Variants in UGT2B28 observed in about 807,000 individuals in gnomAD.
UGT2B28 encodes the protein UDP-glucuronosyltransferase 2B28.
In UGT2B28, 45 loss-of-function variants were observed where a neutral mutation model predicts 43.6. The ratio of observed to expected loss-of-function variants is 1.03; its 90% CI spans 0.81 to 1.32. The LOEUF is 1.32. UGT2B28 is among the 40% of genes most tolerant of loss of function. The pLI is 0.00. For synonymous variants in UGT2B28, 204 were observed against 208.1 expected, an observed-to-expected ratio of 0.98 and a Z score of 0.17; for missense variants, 649 against 625.5, an observed-to-expected ratio of 1.04 and a Z score of -0.40.
chr4:69,286,750 A>C lies in UGT2B28; in HGVS notation c.871-2A>C. 6.4e-7 allele frequency: 1 copy of C among 1,551,638 alleles called. No homozygotes were observed. Among genetic ancestry groups the C allele is most frequent in the South Asian group, 1.2e-5 (1 of 83,484 alleles). ...TTGTGATTAAACAATTTTTTTTCACAGGAAATGGAGGAATTTGTACAGAGC... is the reference window on the plus strand; with the variant it reads ...TTGTGATTAAACAATTTTTTTTCACCGGAAATGGAGGAATTTGTACAGAGC... On this transcript the variant is annotated splice_acceptor_variant, in intron 2 of 5. Coordinates refer to ENST00000335568, the MANE Select transcript of UGT2B28 (RefSeq NM_053039.2). LOFTEE classifies it high-confidence loss of function.
chr4:69,290,870 G>C, intron 5 of UGT2B28, 59 bp downstream of exon 5: 1 of 1,487,874 alleles, frequency 6.7e-7, no homozygotes, highest in Non-Finnish European at 9.0e-7. Flanking sequence ...CTTTTCAATA[G>C]TGAGCATGAG....
chr4:69,281,448 A>C (rs1285612076), intron 1 of UGT2B28, among the ~76,000 whole-genome samples: 1 of 140,788 alleles, frequency 7.1e-6, no homozygotes, highest in Non-Finnish European at 1.5e-5. Flanking sequence ...CCAGGAAATC[A>C]TAAACCTATA....
intron 5 of UGT2B28, among the ~76,000 whole-genome samples, chr4:69,292,315 A>G (rs1374265230): frequency 2.1e-5 from 3 of 140,318 alleles, no homozygotes; most frequent in East Asian, 2.0e-4. Context: ...ACTACTCTCA[A>G]TAAAGTTTTT....
chr4:69,283,957 AACAATACAAAT>A, intron 2 of UGT2B28, among the ~76,000 whole-genome samples: 1 of 141,164 alleles, frequency 7.1e-6, no homozygotes, highest in Non-Finnish European at 1.5e-5. Flanking sequence ...ACACTTCCTC[AACAATACAAAT>A]GTGTGCCTTA....
intron 4 of UGT2B28, 79 bp from the exon 5 acceptor site, chr4:69,290,513 A>T: frequency 6.7e-7 from 1 of 1,494,828 alleles, no homozygotes; most frequent in Non-Finnish European, 9.0e-7. Context: ...TCTAGAAAAC[A>T]CTGTCACTTT....
At chr4:69,289,915 C>T (rs4694712) in intron 4 of UGT2B28, among the ~76,000 whole-genome samples, 163 bp downstream of exon 4, 62,883 of 139,496 alleles carry the variant, frequency 0.45, 19,959 homozygotes, top group Non-Finnish European at 0.53. Context: ...GGTAGAATTG[C>T]TGGCATTTTA....
At chr4:69,283,258 T>A (rs1723674421) in intron 2 of UGT2B28, among the ~76,000 whole-genome samples, 1 of 138,756 alleles carries the variant, frequency 7.2e-6, no homozygotes, top group African/African-American at 2.8e-5. Context: ...TCAGGACAGT[T>A]CTCAAGTCCT....
intron 3 of UGT2B28, 109 bp from the exon 4 acceptor site, chr4:69,289,556 A>T: frequency 9.8e-7 from 1 of 1,020,046 alleles, no homozygotes; most frequent in Non-Finnish European, 1.4e-6. Flanking sequence ...CTCTGAGTAG[A>T]TTTATTTACT....
intron 5 of UGT2B28, among the ~76,000 whole-genome samples, chr4:69,291,527 T>C (rs1723954949): frequency 7.1e-6 from 1 of 140,876 alleles, no homozygotes. Flanking sequence ...TTTTTGTTCT[T>C]TTCTTATGGT....
At position 69,287,791 on chromosome 4, in the gene UGT2B28, A is replaced by C. The variant is rs1338037594; in HGVS notation, c.1002+908A>C. On this transcript the variant is annotated intron_variant, in intron 3 of 5. Coordinates refer to ENST00000335568, the MANE Select transcript of UGT2B28 (RefSeq NM_053039.2). The stretch of plus-strand genomic sequence containing the variant: ...AATGTATTTTCTTCTATATAGAATA[A>C]ACCAGGGACCTTTGTGTATTTGTGA... Among the ~76,000 whole-genome samples, 5 of 140,366 alleles carry C rather than the reference A, an allele frequency of 3.6e-5. 1 individual carries two copies. The highest frequency in any genetic ancestry group is 1.1e-4 in the African/African-American group (4 of 35,934). 92.1% of individuals were successfully genotyped at this position (140,366 alleles called of 152,430 possible).
intron 2 of UGT2B28, among the ~76,000 whole-genome samples, chr4:69,283,020 C>T (rs1438904222): frequency 1.4e-5 from 2 of 140,254 alleles, no homozygotes; most frequent in Admixed American, 7.2e-5. Flanking sequence ...AGACAGTTTC[C>T]GTCTGCACAT....
intron 3 of UGT2B28, among the ~76,000 whole-genome samples, chr4:69,287,989 G>T (rs1421930432): frequency 1.4e-5 from 2 of 140,214 alleles, no homozygotes; most frequent in Non-Finnish European, 3.0e-5. Flanking sequence ...AAATAAGAAT[G>T]TCTTGGCTAT....
At chr4:69,294,010 C>T (rs1455278057) in intron 5 of UGT2B28, among the ~76,000 whole-genome samples, 1 of 140,670 alleles carries the variant, frequency 7.1e-6, no homozygotes, top group Non-Finnish European at 1.5e-5. Context: ...ATAATTCTCA[C>T]ATCGCATTTT....
intron 2 of UGT2B28, among the ~76,000 whole-genome samples, chr4:69,283,276 T>A (rs1383381336): frequency 7.2e-6 from 1 of 139,510 alleles, no homozygotes; most frequent in Non-Finnish European, 1.5e-5. Flanking sequence ...CCTCAGGTTT[T>A]GTTTTTAGGG....
At chr4:69,284,750 TAAC>T (rs1723719566) in intron 2 of UGT2B28, among the ~76,000 whole-genome samples, 1 of 141,104 alleles carries the variant, frequency 7.1e-6, no homozygotes, top group Admixed American at 7.1e-5. Context: ...ACCAGTTATT[TAAC>T]TGTTTATTAT....
intron 3 of UGT2B28, among the ~76,000 whole-genome samples, chr4:69,287,751 A>G (rs1412214189): frequency 7.1e-6 from 1 of 140,462 alleles, no homozygotes; most frequent in East Asian, 2.0e-4. Context: ...TGTCCCCTCC[A>G]TAGAACATAG....
At position 69,294,461 on chromosome 4, in the gene UGT2B28, T is replaced by A. The variant is rs41292343; in HGVS notation, c.1311-69T>A. 7 of 1,355,932 alleles carry A rather than the reference T, an allele frequency of 5.2e-6. No individual in the cohort carries two copies. The East Asian group carries it at 7.4e-5, about 14-fold the overall frequency. 84.0% of individuals were successfully genotyped at this position (1,355,932 alleles called of 1,614,324 possible). Reference sequence around the variant, plus strand: ...AATTATTTGACACTTTAAAAGCCTTTCATAGACTTGATACATACAGGCCAG... The same window carrying A: ...AATTATTTGACACTTTAAAAGCCTTACATAGACTTGATACATACAGGCCAG... On this transcript the variant is annotated intron_variant, in intron 5 of 5. Coordinates refer to ENST00000335568, the MANE Select transcript of UGT2B28 (RefSeq NM_053039.2).
In UGT2B28 at chr4:69,281,147, A is replaced by T; in HGVS notation, c.647A>T (p.Tyr216Phe). The change falls in exon 1 of 6, where the codon TAT becomes TTT. Residue 216 changes from tyrosine to phenylalanine, a missense_variant. Transcript: ENST00000335568. Reference sequence around the variant, plus strand: ...ATGGAGAGGGTAAAAAACATGATCTATGTGCTTTATTTTGACTTTTGGTTC... The same window carrying T: ...ATGGAGAGGGTAAAAAACATGATCTTTGTGCTTTATTTTGACTTTTGGTTC... ...TFMERVKNMI[Y>F]VLYFDFWFQM... 6.4e-7 allele frequency: 1 copy of T among 1,554,492 alleles called. No homozygotes were observed. Among genetic ancestry groups the T allele is most frequent in the Non-Finnish European group, 8.7e-7 (1 of 1,153,818 alleles).
intron 5 of UGT2B28, 47 bp downstream of exon 5, chr4:69,290,858 C>G (rs895866750): frequency 1.3e-6 from 2 of 1,526,144 alleles, no homozygotes; most frequent in African/African-American, 1.5e-5. Context: ...TAGATAGCTT[C>G]TCTTTTCAAT....
Sources: gnomAD v4.1 joint callset for allele counts (sites outside exome capture counted in the v4.1 genomes callset) on GRCh38, gnomAD v4.1.1 for gene constraint, MANE v1.5 for transcripts, NCBI Gene and HGNC (gene_info 2026-07-23, HGNC 2026-07-21) for gene names.